Variants in PTPN13 observed in about 807,000 individuals in gnomAD.
PTPN13 encodes the protein protein tyrosine phosphatase non-receptor type 13, also known as tyrosine-protein phosphatase non-receptor type 13.
In PTPN13, 191 loss-of-function variants were observed where a neutral mutation model predicts 284.0. The observed-to-expected ratio is 0.67, with a 90% confidence interval of 0.60 to 0.76. PTPN13 has a LOEUF of 0.76. Among genes scored for constraint, PTPN13 ranks in the 30% least tolerant of loss-of-function variants. The pLI is 0.00. For synonymous variants in PTPN13, 986 were observed against 1,022.3 expected (o/e 0.96, Z 0.68); for missense variants, 2,797 against 2,939.9 (o/e 0.95, Z 1.12).
chr4:86,636,950 AAAG>A (rs1392410013), intron 2 of PTPN13, among the ~76,000 whole-genome samples: 20 of 151,440 alleles, frequency 1.3e-4, no homozygotes, highest in Non-Finnish European at 1.9e-4. Flanking sequence ...ATAAAGAAAA[AAAG>A]AGAGAAGAAT....
chr4:86,724,520 T>C (rs1424614703), intron 10 of PTPN13, among the ~76,000 whole-genome samples: 2 of 152,214 alleles, frequency 1.3e-5, no homozygotes, highest in African/African-American at 2.4e-5. Flanking sequence ...TTCTAGCTAT[T>C]TCAAACCAAA....
chr4:86,624,249 T>C (rs904029849), intron 1 of PTPN13, among the ~76,000 whole-genome samples: 1 of 152,122 alleles, frequency 6.6e-6, no homozygotes, highest in African/African-American at 2.4e-5. Context: ...TCAACTCTCT[T>C]TCTGCAGTAT....
At chr4:86,728,931 T>C (rs1300175794) in intron 10 of PTPN13, among the ~76,000 whole-genome samples, 1 of 148,576 alleles carries the variant, frequency 6.7e-6, no homozygotes, top group East Asian at 1.9e-4. Flanking sequence ...AGTTTCTTCC[T>C]AGCATCGATG....
At chr4:86,765,199 A>G (rs972083384) in intron 25 of PTPN13, among the ~76,000 whole-genome samples, 196 bp from the exon 26 acceptor site, 1 of 152,204 alleles carries the variant, frequency 6.6e-6, no homozygotes, top group African/African-American at 2.4e-5. Context: ...AGCATAGGCT[A>G]TTTGATAAAA....
At chr4:86,742,923 G>A (rs1350783576) in intron 16 of PTPN13, among the ~76,000 whole-genome samples, 1 of 152,140 alleles carries the variant, frequency 6.6e-6, no homozygotes, top group Non-Finnish European at 1.5e-5. Context: ...AACGAGCTGT[G>A]ATTAGTTCAT....
At chr4:86,671,180 A>G (rs1323575811) in intron 2 of PTPN13, among the ~76,000 whole-genome samples, 1 of 152,234 alleles carries the variant, frequency 6.6e-6, no homozygotes, top group Non-Finnish European at 1.5e-5. Flanking sequence ...ATCATAAGTC[A>G]TATTCTGATC....
chr4:86,668,424 T>C (rs527451271), intron 2 of PTPN13, among the ~76,000 whole-genome samples: 187 of 152,318 alleles, frequency 1.2e-3, no homozygotes, highest in Non-Finnish European at 2.2e-3. Context: ...TTTTAAAATA[T>C]TTTCTGTGGT....
At chr4:86,607,887 G>A (rs1318622899) in intron 1 of PTPN13, among the ~76,000 whole-genome samples, 1 of 151,938 alleles carries the variant, frequency 6.6e-6, no homozygotes, top group Non-Finnish European at 1.5e-5. Flanking sequence ...GTTGAGTAAA[G>A]TAAAGATAAT....
intron 6 of PTPN13, 87 bp downstream of exon 6, chr4:86,693,761 C>T: frequency 1.1e-6 from 1 of 910,188 alleles, no homozygotes; most frequent in Non-Finnish European, 1.6e-6. Flanking sequence ...GCTTTGAAAT[C>T]TGGTAATTGA....
intron 7 of PTPN13, among the ~76,000 whole-genome samples, chr4:86,706,113 G>C (rs1043082806): frequency 5.2e-4 from 79 of 152,260 alleles, no homozygotes; most frequent in African/African-American, 1.8e-3. Context: ...ATGGAATTTG[G>C]AAGTGGAAGG....
intron 7 of PTPN13, among the ~76,000 whole-genome samples, chr4:86,715,989 C>T (rs140249820): frequency 1.3e-5 from 2 of 152,218 alleles, no homozygotes; most frequent in African/African-American, 4.8e-5. Flanking sequence ...AAATGCTTAT[C>T]TTATTCTGGT....
intron 3 of PTPN13, among the ~76,000 whole-genome samples, chr4:86,677,682 G>A (rs921693495): frequency 3.3e-5 from 5 of 151,472 alleles, no homozygotes; most frequent in African/African-American, 1.2e-4. Flanking sequence ...AAGTCCTAGA[G>A]TTTTAATAGG....
intron 16 of PTPN13, among the ~76,000 whole-genome samples, chr4:86,744,384 A>G (rs560149058): frequency 2.0e-5 from 3 of 152,304 alleles, no homozygotes; most frequent in African/African-American, 7.2e-5. Flanking sequence ...TGTAAACATT[A>G]CCATAAATTC....
At chr4:86,795,343 C>T (rs1267142069) in intron 40 of PTPN13, among the ~76,000 whole-genome samples, 2 of 152,120 alleles carry the variant, frequency 1.3e-5, no homozygotes, top group Non-Finnish European at 1.5e-5. Context: ...AATGAGATAC[C>T]ATCTCATGCC....
At chr4:86,774,723 T>TATA (rs1554340170) in intron 33 of PTPN13, among the ~76,000 whole-genome samples, 192 bp downstream of exon 33, 1 of 149,550 alleles carries the variant, frequency 6.7e-6, no homozygotes, top group East Asian at 2.0e-4. Flanking sequence ...ATATATATAT[T>TATA]TTTTACTATA....
At chr4:86,624,353 C>G (rs1721597309) in intron 1 of PTPN13, among the ~76,000 whole-genome samples, 1 of 152,056 alleles carries the variant, frequency 6.6e-6, no homozygotes, top group Admixed American at 6.6e-5. Context: ...GCTCAAGGGA[C>G]AGCCAAAAAG....
intron 1 of PTPN13, among the ~76,000 whole-genome samples, chr4:86,620,779 T>C (rs890041901): frequency 2.0e-5 from 3 of 152,218 alleles, no homozygotes; most frequent in Admixed American, 1.3e-4. Context: ...ATCAGTGCAT[T>C]ACTATCTCTT....
intron 2 of PTPN13, among the ~76,000 whole-genome samples, chr4:86,640,300 TTTTTCAGAAAA>T (rs1158838088): frequency 6.6e-6 from 1 of 152,216 alleles, no homozygotes; most frequent in Non-Finnish European, 1.5e-5. Flanking sequence ...CTTCACTTTA[TTTTTCAGAAAA>T]TTTTCAGAAA....
At chr4:86,799,273 A>G in intron 42 of PTPN13, 69 bp downstream of exon 42, 1 of 997,252 alleles carries the variant, frequency 1.0e-6, no homozygotes, top group Non-Finnish European at 1.5e-6. Flanking sequence ...AGTGATTTTC[A>G]GACTATATGG....
Sources: allele counts gnomAD v4.1 joint callset (sites outside exome capture counted in the v4.1 genomes callset), GRCh38; gene constraint gnomAD v4.1.1; transcripts MANE v1.5; gene names NCBI Gene and HGNC (gene_info 2026-07-23, HGNC 2026-07-21).